The following ZC3HC1 variants were observed in gnomAD, a reference collection of about 807,000 sequenced individuals.
The protein encoded by ZC3HC1 is zinc finger C3HC-type containing 1.
In ZC3HC1, 38 loss-of-function variants were observed where a neutral mutation model predicts 61.9. The ratio of observed to expected loss-of-function variants is 0.61; its 90% CI spans 0.47 to 0.81. The LOEUF (loss-of-function observed/expected upper bound fraction) is 0.81, where lower values mean the gene tolerates loss of function less well. Among genes scored for constraint, ZC3HC1 ranks in the 30% least tolerant of loss-of-function variants. ZC3HC1 has a pLI of 0.00. For synonymous variants in ZC3HC1, 213 were observed against 229.9 expected (o/e 0.93, Z 0.67); for missense variants, 554 against 622.7 (o/e 0.89, Z 1.17).
chr7:130,035,643 G>A (rs543296778), intron 4 of ZC3HC1, among the ~76,000 whole-genome samples: 183 of 152,062 alleles, frequency 1.2e-3, no homozygotes, highest in Non-Finnish European at 2.0e-3. Context: ...CACCACGCCC[G>A]GCTAATTTTT....
intron 2 of ZC3HC1, among the ~76,000 whole-genome samples, chr7:130,045,702 G>C (rs1017069514): frequency 2.6e-5 from 4 of 152,034 alleles, no homozygotes; most frequent in African/African-American, 9.6e-5. Flanking sequence ...AGGAGTTTGA[G>C]ACCAGCCTGG....
chr7:130,020,438 T>C (rs1313639412), intron 9 of ZC3HC1, among the ~76,000 whole-genome samples: 2 of 151,892 alleles, frequency 1.3e-5, no homozygotes, highest in Admixed American at 6.6e-5. Flanking sequence ...ATTTTTGTAT[T>C]TTCAGTAGAG....
At position 130,049,078 on chromosome 7, in the gene ZC3HC1, T is replaced by G. The variant is rs570438534; in HGVS notation, c.213A>C (p.Glu71Asp). The G allele has an allele frequency of 1.2e-6, 2 of 1,610,198 alleles. No homozygotes were observed. The highest frequency in any genetic ancestry group is 2.7e-5 in the African/African-American group (2 of 74,930). The part of the protein sequence containing the change: ...GSPQAEQPSL[E>D]STSKEAFFSR... ...TAAAGAAGGCTTCTTTGCTTGTAGA[T>G]TCCAATGAAGGTTGTTCCGCTTGGG... is the stretch of plus-strand genomic sequence containing the variant. Residue 71 changes from glutamate (E) to aspartate (D), a missense_variant, in exon 2 of 10, where the codon GAA becomes GAC. By Grantham distance (45) the Glu-to-Asp change is conservative. Coordinates refer to ENST00000358303, the MANE Select transcript of ZC3HC1 (RefSeq NM_016478.5).
chr7:130,037,056 A>AGGT (rs1166928511), intron 4 of ZC3HC1: 3 of 152,376 alleles, frequency 2.0e-5, no homozygotes, highest in African/African-American at 7.2e-5. Context: ...GAGGTCTCCG[A>AGGT]GGTGGTAGCT....
chr7:130,043,322 T>TA lies in ZC3HC1; in HGVS notation c.259-2222dup, dbSNP rs534772259. ...AGAGCTCTTATTTCACAAAGCACAG[T>TA]AAAAAAAAAAGGATAAAATATGAAA... On this transcript the variant is annotated intron_variant, in intron 2 of 9. Transcript: ENST00000358303. The TA allele has an allele frequency of 6.4e-4, 92 of 144,500 alleles. 1 individual carries two copies. The highest frequency in any genetic ancestry group is 3.5e-3 in the Middle Eastern group (1 of 288). The allele number at this position is 144,500 out of a possible 1,614,324, so 9.0% of individuals were successfully genotyped here. A position where few individuals can be genotyped will look rare whatever the true frequency, so the allele number is the denominator to read the frequency against.
At chr7:130,019,879 C>T (rs1793562016) in intron 9 of ZC3HC1, among the ~76,000 whole-genome samples, 2 of 145,338 alleles carry the variant, frequency 1.4e-5, no homozygotes, top group South Asian at 4.3e-4. Context: ...GCTGTGGTGC[C>T]ATTTCAGCTC....
chr7:130,047,682 T>G (rs895704067), intron 2 of ZC3HC1, among the ~76,000 whole-genome samples: 2 of 133,400 alleles, frequency 1.5e-5, no homozygotes, highest in Admixed American at 7.5e-5. Flanking sequence ...CACACACGGG[T>G]AGGGGTGCAA....
At chr7:130,032,620 T>TGGGAGAGA (rs1201701831) in intron 4 of ZC3HC1, among the ~76,000 whole-genome samples, 1 of 143,862 alleles carries the variant, frequency 7.0e-6, no homozygotes, top group Non-Finnish European at 1.5e-5. Context: ...CACTGTAGCC[T>TGGGAGAGA]GGGAGAGAGA....
chr7:130,018,642 C>T lies in ZC3HC1; in HGVS notation c.*22G>A. ...AAAGTCACTCTCATTCCAGCTATCT[C>T]CAGGAAGGCGCTGGAGTATCTTCAG... On this transcript the variant is annotated 3_prime_UTR_variant, in exon 10 of 10. Transcript: ENST00000358303. 6.3e-7 allele frequency: 1 copy of T among 1,593,152 alleles called. No individual in the cohort carries two copies. The highest frequency in any genetic ancestry group is 8.6e-7 in the Non-Finnish European group (1 of 1,165,096).
At chr7:130,038,846 C>T (rs1350453453) in intron 4 of ZC3HC1, among the ~76,000 whole-genome samples, 4 of 114,806 alleles carry the variant, frequency 3.5e-5, no homozygotes, top group Admixed American at 2.4e-4. Flanking sequence ...GGTGAAAGAG[C>T]GAGGCTCTGT....
Position 130,018,711 on chromosome 7 carries a change from T to C in ZC3HC1, c.1462A>G (p.Lys488Glu). ...CACTGCCGAAATATTCGGAATACTT[T>C]CCTTGATTTCTCAGAGAGACTCTGT... ...DSMSLSEKSRKVFRIFRQWES... is the reference protein window; with the variant it reads ...DSMSLSEKSREVFRIFRQWES... Residue 488 changes from lysine (K) to glutamate (E), a missense_variant, in exon 10 of 10, where the codon AAA becomes GAA. Coordinates refer to ENST00000358303, the MANE Select transcript of ZC3HC1 (RefSeq NM_016478.5). 1 of 1,612,600 alleles carries C rather than the reference T, an allele frequency of 6.2e-7. No individual in the cohort carries two copies. Among genetic ancestry groups the C allele is most frequent in the Non-Finnish European group, 8.5e-7 (1 of 1,178,810 alleles).
chr7:130,022,251 C>A (rs1418229149), intron 9 of ZC3HC1, 68 bp downstream of exon 9: 2 of 1,595,588 alleles, frequency 1.3e-6, no homozygotes, highest in African/African-American at 2.7e-5. Context: ...TAATTATAGG[C>A]CCAGCCTCTG....
intron 4 of ZC3HC1, 22 bp downstream of exon 4, chr7:130,039,442 A>G: frequency 1.3e-6 from 2 of 1,591,552 alleles, no homozygotes; most frequent in African/African-American, 2.7e-5. Flanking sequence ...AATGGTGAAC[A>G]GGAATTCTCA....
chr7:130,048,912 A>G (rs1473214106), intron 2 of ZC3HC1, 121 bp downstream of exon 2: 6 of 657,612 alleles, frequency 9.1e-6, no homozygotes, highest in Non-Finnish European at 1.4e-5. Context: ...TGACTTTCCT[A>G]TATAATTTCT....
intron 4 of ZC3HC1, among the ~76,000 whole-genome samples, chr7:130,030,071 C>G (rs1794106309): frequency 6.6e-6 from 1 of 152,160 alleles, no homozygotes; most frequent in Admixed American, 6.6e-5. Context: ...CCCAATTCAT[C>G]TACTGCATAC....
intron 5 of ZC3HC1, chr7:130,026,824 G>T (rs1178050008): frequency 6.6e-6 from 1 of 152,180 alleles, no homozygotes; most frequent in Non-Finnish European, 1.5e-5. Context: ...AAAAAAATTG[G>T]CCGGGCGTGG....
chr7:130,036,122 T>C (rs1420127608), intron 4 of ZC3HC1, among the ~76,000 whole-genome samples: 1 of 152,110 alleles, frequency 6.6e-6, no homozygotes, highest in Non-Finnish European at 1.5e-5. Flanking sequence ...TGTTTTTTTT[T>C]TTTTTTCCGC....
chr7:130,038,725 C>G (rs894634337), intron 4 of ZC3HC1, among the ~76,000 whole-genome samples: 2 of 151,570 alleles, frequency 1.3e-5, no homozygotes, highest in African/African-American at 4.8e-5. Flanking sequence ...CAGGGTGTGG[C>G]AGCGTGTACC....
At chr7:130,032,994 T>C (rs1380358063) in intron 4 of ZC3HC1, among the ~76,000 whole-genome samples, 3 of 152,186 alleles carry the variant, frequency 2.0e-5, no homozygotes, top group Admixed American at 2.0e-4. Context: ...CCAGCTACTC[T>C]GGATACTGAG....
Sources: allele counts gnomAD v4.1 joint callset (sites outside exome capture counted in the v4.1 genomes callset), GRCh38; gene constraint gnomAD v4.1.1; transcripts MANE v1.5; gene names NCBI Gene and HGNC (gene_info 2026-07-23, HGNC 2026-07-21).